The following MBOAT2 variants were observed in gnomAD, a reference collection of about 807,000 sequenced individuals.
The protein encoded by MBOAT2 is membrane-bound glycerophospholipid O-acyltransferase 2.
A neutral mutation model predicts 63.4 loss-of-function variants in MBOAT2; 28 were observed. That is an observed-to-expected ratio of 0.44 (90% CI 0.33 to 0.61). The LOEUF (loss-of-function observed/expected upper bound fraction) is 0.61. MBOAT2 is among the 20% of genes least tolerant of loss of function. MBOAT2 has a pLI of 0.03. For missense variants in MBOAT2, 470 were observed against 605.8 expected (o/e 0.78, Z 2.35); for synonymous variants, 211 against 215.6 (o/e 0.98, Z 0.19).
At chr2:8,926,801 G>A (rs1391083228) in intron 3 of MBOAT2, among the ~76,000 whole-genome samples, 1 of 152,204 alleles carries the variant, frequency 6.6e-6, no homozygotes, top group Non-Finnish European at 1.5e-5. Context: ...GTGAGATGCA[G>A]GTACCAGATG....
At chr2:8,902,525 G>A (rs1203243833) in intron 4 of MBOAT2, among the ~76,000 whole-genome samples, 2 of 152,174 alleles carry the variant, frequency 1.3e-5, no homozygotes, top group Non-Finnish European at 2.9e-5. Flanking sequence ...GACTTCAGGA[G>A]TGAAGCTGCA....
chr2:8,907,999 T>C (rs1206647263), intron 4 of MBOAT2, among the ~76,000 whole-genome samples: 4 of 152,178 alleles, frequency 2.6e-5, no homozygotes, highest in African/African-American at 4.8e-5. Flanking sequence ...AGCAGGCCTA[T>C]TGTATCTTGT....
chr2:8,927,667 C>T (rs1667026254), intron 3 of MBOAT2, among the ~76,000 whole-genome samples: 1 of 151,960 alleles, frequency 6.6e-6, no homozygotes, highest in East Asian at 1.9e-4. Flanking sequence ...GCTGGTGTTC[C>T]AGGAAGGGCA....
intron 1 of MBOAT2, among the ~76,000 whole-genome samples, chr2:8,978,879 C>T (rs1671012070): frequency 6.6e-6 from 1 of 151,782 alleles, no homozygotes; most frequent in African/African-American, 2.4e-5. Context: ...TGGGGGGAGG[C>T]AGGGGTCTAT....
chr2:8,962,988 A>G lies in MBOAT2; in HGVS notation c.76-4346T>C, dbSNP rs866078938. ...CCGAGCGAGGTGGCTCCTACCTACA[A>G]TCCCAACACTTTGGGAGGCCAAGAC... On this transcript the variant is annotated intron_variant, in intron 1 of 12. Transcript: ENST00000305997. Among the ~76,000 whole-genome samples the G allele has an allele frequency of 3.9e-5, 6 of 152,250 alleles. No homozygotes were observed. The East Asian group carries it at 9.7e-4, about 25-fold the overall frequency.
chr2:8,902,665 A>T (rs1359624552), intron 4 of MBOAT2, among the ~76,000 whole-genome samples: 1 of 151,990 alleles, frequency 6.6e-6, no homozygotes, highest in Non-Finnish European at 1.5e-5. Context: ...GTTACAGTTC[A>T]TAAAGGCAGT....
At chr2:8,951,136 C>G (rs1250682090) in intron 2 of MBOAT2, among the ~76,000 whole-genome samples, 5 of 151,382 alleles carry the variant, frequency 3.3e-5, no homozygotes, top group Non-Finnish European at 7.4e-5. Context: ...GCTGGCTTCA[C>G]AGAATGAGTT....
chr2:8,949,090 T>G (rs767392305), intron 2 of MBOAT2, among the ~76,000 whole-genome samples: 1 of 152,224 alleles, frequency 6.6e-6, no homozygotes, highest in Non-Finnish European at 1.5e-5. Flanking sequence ...TGATTAGTAA[T>G]GTGCAGTAAT....
intron 4 of MBOAT2, among the ~76,000 whole-genome samples, chr2:8,892,962 G>A (rs1293363262): frequency 1.3e-5 from 2 of 151,656 alleles, no homozygotes; most frequent in Admixed American, 6.6e-5. Context: ...AGTGACACGG[G>A]AAACTACTGG....
chr2:8,899,575 G>T (rs983583222), intron 4 of MBOAT2, among the ~76,000 whole-genome samples: 1 of 152,226 alleles, frequency 6.6e-6, no homozygotes, highest in Non-Finnish European at 1.5e-5. Flanking sequence ...TCATCTGGTT[G>T]GGGGTTTCTG....
intron 3 of MBOAT2, among the ~76,000 whole-genome samples, chr2:8,917,880 T>C (rs1482805653): frequency 6.6e-6 from 1 of 152,198 alleles, no homozygotes; most frequent in African/African-American, 2.4e-5. Context: ...GATATATTAA[T>C]ACAATGGAAT....
chr2:8,901,757 G>T (rs1664943601), intron 4 of MBOAT2, among the ~76,000 whole-genome samples: 2 of 152,158 alleles, frequency 1.3e-5, no homozygotes, highest in Admixed American at 6.5e-5. Context: ...TTTCTGATTG[G>T]TGAGCCCGGG....
chr2:9,003,505 G>A lies in MBOAT2; in HGVS notation c.75+35C>T. 1 of 1,172,576 alleles carries A rather than the reference G, an allele frequency of 8.5e-7. No individual in the cohort carries two copies. Among genetic ancestry groups the A allele is most frequent in the East Asian group, 3.9e-5 (1 of 25,628 alleles). The allele number at this position is 1,172,576 out of a possible 1,614,324, so 72.6% of individuals were successfully genotyped here. ...CACCGCGGCGGGGAGGGGCGGCGAG[G>A]GCGCGACGCCCGGCGCCAGGGCGCC... On this transcript the variant is annotated intron_variant, in intron 1 of 12. Transcript: ENST00000305997. This position sits in a 1 kb window ranked among gnomAD's most constrained non-coding sequence, Gnocchi z 5.4.
chr2:8,880,433 G>C (rs1663026462), intron 6 of MBOAT2, among the ~76,000 whole-genome samples: 1 of 152,180 alleles, frequency 6.6e-6, no homozygotes, highest in Admixed American at 6.5e-5. Context: ...AAGGAGGAGG[G>C]AGACAAATCA....
chr2:8,888,935 T>A (rs192758553), intron 4 of MBOAT2, among the ~76,000 whole-genome samples: 41 of 152,348 alleles, frequency 2.7e-4, no homozygotes, highest in Non-Finnish European at 5.1e-4. Context: ...TACATTAGCT[T>A]ACAAACTATA....
chr2:8,875,509 A>G (rs1022290958), intron 7 of MBOAT2, among the ~76,000 whole-genome samples: 5 of 152,214 alleles, frequency 3.3e-5, no homozygotes, highest in Non-Finnish European at 7.3e-5. Flanking sequence ...TTACAAAGTC[A>G]TTTGATCTTC....
rs778193138 is a variant in MBOAT2 at position 8,960,263 on chromosome 2, T to C, written c.76-1621A>G. Among the ~76,000 whole-genome samples the C allele has an allele frequency of 2.7e-4, 41 of 152,356 alleles. No homozygotes were observed. In the Middle Eastern group the frequency reaches 0.02, roughly 76 times the overall value. The stretch of plus-strand genomic sequence containing the variant: ...AACTTTGTTTCAAGTATCTCTTATT[T>C]CTTTCTTTTTCAGATAGCTCCTAAT... On this transcript the variant is annotated intron_variant, in intron 1 of 12. Transcript: ENST00000305997.
chr2:8,901,302 C>A (rs1664904822), intron 4 of MBOAT2, among the ~76,000 whole-genome samples: 1 of 152,160 alleles, frequency 6.6e-6, no homozygotes. Context: ...TAGTTTTCCT[C>A]CTAGACCACA....
At chr2:8,920,046 G>A (rs1324133622) in intron 3 of MBOAT2, among the ~76,000 whole-genome samples, 2 of 152,086 alleles carry the variant, frequency 1.3e-5, no homozygotes, top group African/African-American at 2.4e-5. Context: ...GGTTACAGGC[G>A]TGTGCTATCA....
Sources: gnomAD v4.1 joint callset for allele counts (sites outside exome capture counted in the v4.1 genomes callset) on GRCh38, gnomAD v4.1.1 for gene constraint, Gnocchi (gnomAD v3.1) non-coding constraint, MANE v1.5 for transcripts, NCBI Gene and HGNC (gene_info 2026-07-23, HGNC 2026-07-21) for gene names.